The following SGCB variants were observed in gnomAD, a reference collection of about 807,000 sequenced individuals.
The protein encoded by SGCB is beta-sarcoglycan.
SGCB carries 25 observed loss-of-function variants against 27.3 expected under a neutral mutation model. The observed-to-expected ratio is 0.92, with a 90% CI of 0.67 to 1.28. The LOEUF is 1.28. SGCB is among the 50% of genes most tolerant of loss of function. The probability of loss-of-function intolerance (pLI) is 0.00; values close to 1 mark genes in which losing one functional copy is unlikely to be tolerated. For synonymous variants in SGCB, 147 were observed against 133.5 expected (o/e 1.10, Z -0.70); for missense variants, 436 against 402.1 (o/e 1.08, Z -0.72).
intron 5 of SGCB, among the ~76,000 whole-genome samples, chr4:52,027,164 G>T (rs1737120437): frequency 1.3e-5 from 2 of 152,078 alleles, no homozygotes; most frequent in Non-Finnish European, 2.9e-5. Context: ...GTTCACTTTT[G>T]TCATGTAATA....
chr4:52,024,604 G>A (rs551169102), intron 5 of SGCB, among the ~76,000 whole-genome samples: 87 of 152,028 alleles, frequency 5.7e-4, no homozygotes, highest in Middle Eastern at 3.4e-3. Flanking sequence ...CGAGGTGGGC[G>A]GATCACAAGT....
At chr4:52,031,865 C>T (rs773652251) in intron 2 of SGCB, 6 of 454,108 alleles carry the variant, frequency 1.3e-5, no homozygotes, top group African/African-American at 4.0e-5. Context: ...GCTTTTTCAC[C>T]GGGACTTGCC....
At chr4:52,031,436 G>GTGTT (rs1195233128) in intron 2 of SGCB, among the ~76,000 whole-genome samples, 2 of 107,270 alleles carry the variant, frequency 1.9e-5, no homozygotes, top group African/African-American at 5.5e-5. Flanking sequence ...GTGTGTGTGT[G>GTGTT]TGTGTGTGTG....
chr4:52,024,827 CAAAAAAA>C (rs3050627), intron 5 of SGCB, among the ~76,000 whole-genome samples: 18 of 55,908 alleles, frequency 3.2e-4, no homozygotes, highest in African/African-American at 1.2e-3. Flanking sequence ...GACACTGTCT[CAAAAAAA>C]AAAAAAAAAA....
At chr4:52,029,273 C>T (rs555982255) in intron 3 of SGCB, among the ~76,000 whole-genome samples, 2 of 152,322 alleles carry the variant, frequency 1.3e-5, no homozygotes, top group East Asian at 3.9e-4. Flanking sequence ...ATGCCACTGA[C>T]TAGATTGGCA....
In SGCB at chr4:52,028,799, ATAGTCTGTGCT is replaced by A; in HGVS notation, c.541_551del (p.Ser181Ter). ...TTGGCAAATGAAACTCATGAGTTTC[ATAGTCTGTGCT>A]GAATAAGATATTTTGAGTCCTCGGG... On this transcript the variant is annotated frameshift_variant, in exon 4 of 6. Coordinates refer to ENST00000381431, the MANE Select transcript of SGCB (RefSeq NM_000232.5). LOFTEE classifies it high-confidence loss of function. The A allele has an allele frequency of 6.2e-7, 1 of 1,613,794 alleles. No individual in the cohort carries two copies. The highest frequency in any genetic ancestry group is 8.5e-7 in the Non-Finnish European group (1 of 1,179,702).
At chr4:52,036,176 G>C (rs1307329835) in intron 1 of SGCB, among the ~76,000 whole-genome samples, 3 of 152,250 alleles carry the variant, frequency 2.0e-5, no homozygotes, top group African/African-American at 4.8e-5. Flanking sequence ...ATCAGGGAAA[G>C]TTTCTAAGAA....
intron 5 of SGCB, among the ~76,000 whole-genome samples, chr4:52,024,497 A>T (rs923053881): frequency 1.3e-5 from 2 of 152,110 alleles, no homozygotes; most frequent in African/African-American, 2.4e-5. Context: ...AACTATAACA[A>T]AGGTACTGAT....
At chr4:52,027,726 T>C (rs370713017) in intron 5 of SGCB, among the ~76,000 whole-genome samples, 7 of 151,954 alleles carry the variant, frequency 4.6e-5, no homozygotes, top group African/African-American at 1.2e-4. Context: ...CAGCTAAACA[T>C]TGTTGACATT....
intron 1 of SGCB, among the ~76,000 whole-genome samples, chr4:52,037,263 C>T (rs569807004): frequency 7.0e-4 from 107 of 152,270 alleles, no homozygotes; most frequent in African/African-American, 2.5e-3. Flanking sequence ...ATGTATTTGG[C>T]TGTATGACTT....
intron 1 of SGCB, among the ~76,000 whole-genome samples, chr4:52,035,214 C>T (rs1308517233): frequency 6.6e-6 from 1 of 152,176 alleles, no homozygotes; most frequent in Admixed American, 6.5e-5. Flanking sequence ...GCACTTTACG[C>T]TTAAACACTA....
At chr4:52,030,692 C>G (rs1219035984) in intron 2 of SGCB, among the ~76,000 whole-genome samples, 1 of 152,074 alleles carries the variant, frequency 6.6e-6, no homozygotes, top group African/African-American at 2.4e-5. Context: ...TGTATGGGCC[C>G]CCTGCACAGC....
intron 2 of SGCB, among the ~76,000 whole-genome samples, chr4:52,031,306 T>A (rs1305631566): frequency 6.6e-6 from 1 of 151,846 alleles, no homozygotes; most frequent in Non-Finnish European, 1.5e-5. Context: ...TCTGGAAGAG[T>A]TTTTTTATCT....
At chr4:52,030,405 A>G (rs910151838) in intron 2 of SGCB, among the ~76,000 whole-genome samples, 2 of 152,174 alleles carry the variant, frequency 1.3e-5, no homozygotes, top group African/African-American at 4.8e-5. Flanking sequence ...TTTCAGTATT[A>G]CAACCATATA....
Position 52,023,591 on chromosome 4 carries a change from G to T in SGCB, c.*366C>A, listed in dbSNP as rs1737009498. On this transcript the variant is annotated 3_prime_UTR_variant, in exon 6 of 6. Coordinates refer to ENST00000381431, the MANE Select transcript of SGCB (RefSeq NM_000232.5). ...ATACCTTTTTAAATATCTTAAGTGG[G>T]TCTATCCCCATTAGAGTTACCAAAG... is the stretch of plus-strand genomic sequence containing the variant. The T allele has an allele frequency of 3.8e-6, 1 of 261,478 alleles. No homozygotes were observed. The highest frequency in any genetic ancestry group is 7.5e-6 in the Non-Finnish European group (1 of 132,992). 16.2% of individuals were successfully genotyped at this position (261,478 alleles called of 1,614,324 possible). A position where few individuals can be genotyped will look rare whatever the true frequency, so the allele number is the denominator to read the frequency against.
rs1057302681 is a variant in SGCB at position 52,029,666 on chromosome 4, G to A, written c.429+12C>T. On this transcript the variant is annotated intron_variant, in intron 3 of 5. Coordinates refer to ENST00000381431, the MANE Select transcript of SGCB (RefSeq NM_000232.5). ...CCTGTTTGCATTTCTTTCAGTTAAT[G>A]TGGCAACTTACAGGCTGGTTGTTGC... The A allele has an allele frequency of 3.1e-6, 5 of 1,588,458 alleles. No homozygotes were observed. The Admixed American group carries it at 8.3e-5, about 26-fold the overall frequency.
rs1737178529 is a variant in SGCB at position 52,028,884 on chromosome 4, T to A, written c.467A>T (p.Glu156Val). 6.2e-7 allele frequency: 1 copy of A among 1,614,052 alleles called. No individual in the cohort carries two copies. The highest frequency in any genetic ancestry group is 8.5e-7 in the Non-Finnish European group (1 of 1,179,944). ...ACTTGTAATAGAAGTTTTGTTGTTT[T>A]CTACACTGAGCTTTGTTGTCCCTTG... ...FQQGTTKLSV[E>V]NNKTSITSDI... Residue 156 changes from glutamate (E) to valine (V), a missense_variant, in exon 4 of 6, where the codon GAA becomes GTA. Coordinates refer to ENST00000381431, the MANE Select transcript of SGCB (RefSeq NM_000232.5).
At chr4:52,025,238 A>C (rs746131535) in intron 5 of SGCB, among the ~76,000 whole-genome samples, 1 of 152,210 alleles carries the variant, frequency 6.6e-6, no homozygotes, top group Non-Finnish European at 1.5e-5. Flanking sequence ...AGTAAAACAC[A>C]TAAGACATCA....
chr4:52,026,766 T>TAACTAC (rs1311194674), intron 5 of SGCB, among the ~76,000 whole-genome samples: 1 of 152,222 alleles, frequency 6.6e-6, no homozygotes, highest in Non-Finnish European at 1.5e-5. Flanking sequence ...TTTGTCATAT[T>TAACTAC]AACTACAAGG....
Sources: gnomAD v4.1 joint callset for allele counts (sites outside exome capture counted in the v4.1 genomes callset) on GRCh38, gnomAD v4.1.1 for gene constraint, MANE v1.5 for transcripts, NCBI Gene and HGNC (gene_info 2026-07-23, HGNC 2026-07-21) for gene names.